Variants in KCNH2 observed in about 807,000 individuals in gnomAD.
The protein encoded by KCNH2 is potassium voltage-gated channel subfamily H member 2.
Under a neutral mutation model 95.9 loss-of-function variants are expected in KCNH2, and 35 were observed. The ratio of observed to expected loss-of-function variants is 0.37; its 90% CI spans 0.28 to 0.48. The LOEUF is 0.48. Ranked by LOEUF, KCNH2 falls within the 20% of genes least tolerant of loss-of-function variation. The probability of loss-of-function intolerance (pLI) is 0.99; values close to 1 mark genes in which losing one functional copy is unlikely to be tolerated. For missense variants in KCNH2, 1,274 were observed against 1,702.9 expected (o/e 0.75, Z 4.43); for synonymous variants, 786 against 754.7 (o/e 1.04, Z -0.68).
rs41313749 is a variant in KCNH2 at position 150,945,521 on chromosome 7, TAC to T, written c.3331-9_3331-8del. ...ACGCCATGAACTGGGAAACCTGCAA[TAC>T]ACACAGAGCATGGGCAGGCGAAGAG... On this transcript the variant is annotated splice_region_variant and splice_polypyrimidine_tract_variant and intron_variant, in intron 14 of 14. Coordinates refer to ENST00000262186, the MANE Select transcript of KCNH2 (RefSeq NM_000238.4). This position sits in a 1 kb window ranked among gnomAD's most constrained non-coding sequence, Gnocchi z 5.6. The T allele has an allele frequency of 2.9e-3, 4,473 of 1,557,036 alleles. 125 individuals are homozygous for T. The African/African-American group carries it at 0.054, about 19-fold the overall frequency.
At position 150,950,346 on chromosome 7, in the gene KCNH2, G is replaced by C. The variant is rs750522258; in HGVS notation, c.2220C>G (p.Cys740Trp). Residue 740 changes from cysteine (C) to tryptophan (W), a missense_variant, in exon 9 of 15, where the codon TGC becomes TGG. By Grantham distance (215) the Cys-to-Trp change is radical. Transcript: ENST00000262186. The part of the protein sequence containing the change: ...LHLNRSLLQH[C>W]KPFRGATKGC... ...CCTTGGTGGCCCCTCGGAAGGGTTT[G>C]CAGTGCTGCAGCAGTGAGCGGTTCA... 2.5e-6 allele frequency: 4 copies of C among 1,613,216 alleles called. No homozygotes were observed. The highest frequency in any genetic ancestry group is 3.4e-6 in the Non-Finnish European group (4 of 1,179,770).
In KCNH2 at chr7:150,961,733, C is replaced by T. The variant is rs138627651; in HGVS notation, c.308-1997G>A. Among the ~76,000 whole-genome samples the T allele has an allele frequency of 1.6e-3, 245 of 152,272 alleles. No homozygotes were observed. The highest frequency in any genetic ancestry group is 5.3e-3 in the African/African-American group (222 of 41,542). ...GCAACAGACACCGGCAACCTGGAGGCGACGCCACCCCTGGGACTTGGAGCT... is the reference window on the plus strand; with the variant it reads ...GCAACAGACACCGGCAACCTGGAGGTGACGCCACCCCTGGGACTTGGAGCT... On this transcript the variant is annotated intron_variant, in intron 2 of 14. Transcript: ENST00000262186. The surrounding 1 kb of genome is among the most constrained non-coding windows in gnomAD (Gnocchi z 6.2).
chr7:150,971,351 G>A (rs1801834104), intron 2 of KCNH2, among the ~76,000 whole-genome samples: 1 of 152,120 alleles, frequency 6.6e-6, no homozygotes, highest in Admixed American at 6.5e-5. Context: ...TGGACAGCAG[G>A]TCCCCACCCC....
intron 11 of KCNH2, 117 bp downstream of exon 11, chr7:150,948,327 G>C: frequency 1.2e-6 from 1 of 835,944 alleles, no homozygotes; most frequent in South Asian, 1.5e-5. Flanking sequence ...TGGGCACACT[G>C]GAGGAAGGGA....
intron 1 of KCNH2, among the ~76,000 whole-genome samples, chr7:150,977,095 C>T (rs1801997809): frequency 6.6e-6 from 1 of 152,094 alleles, no homozygotes; most frequent in African/African-American, 2.4e-5. Context: ...AGCCTCCCTA[C>T]CAGGCAGGCA....
In KCNH2 at chr7:150,948,462, G is replaced by A. The variant is rs201627778; in HGVS notation, c.2674C>T (p.Arg892Cys). 2.8e-4 allele frequency: 452 copies of A among 1,593,958 alleles called. 5 individuals are homozygous for A. The South Asian group carries it at 3.1e-3, about 11-fold the overall frequency. ...GCCTCACCCTTGTCCGTGCGCCTGC[G>A]GAAGGACAACTTGCGCTTGCGTTGC... ...SRQRKRKLSFRRRTDKDTEQP... is the reference protein window; with the variant it reads ...SRQRKRKLSFCRRTDKDTEQP... The change falls in exon 11 of 15, where the codon CGC becomes TGC. Residue 892 changes from arginine (R) to cysteine (C), a missense_variant. Around this residue, in one of 7 missense-constraint regions of KCNH2, gnomAD observed 457 missense variants for 416.1 expected, o/e 1.10. Transcript: ENST00000262186.
intron 9 of KCNH2, chr7:150,949,793 G>A: frequency 2.5e-6 from 3 of 1,215,678 alleles, no homozygotes; most frequent in South Asian, 1.6e-5. Flanking sequence ...AAGGGGCCAG[G>A]CATGAGGCTG....
chr7:150,946,044 G>A lies in KCNH2; in HGVS notation c.3331-530C>T, dbSNP rs1800875946. The stretch of plus-strand genomic sequence containing the variant: ...GTGAGAGCTCTGCGGGGGCGGCTGC[G>A]AAGGGAGACTGGCACATTTGCTGAC... On this transcript the variant is annotated intron_variant, in intron 14 of 14. Transcript: ENST00000262186. The surrounding 1 kb of genome is among the most constrained non-coding windows in gnomAD (Gnocchi z 6.5). Among the ~76,000 whole-genome samples, 2 of 152,116 alleles carry A rather than the reference G, an allele frequency of 1.3e-5. No individual in the cohort carries two copies. The highest frequency in any genetic ancestry group is 6.5e-5 in the Admixed American group (1 of 15,280).
intron 12 of KCNH2, 42 bp from the exon 13 acceptor site, chr7:150,947,556 C>T (rs1800951263): frequency 1.2e-6 from 2 of 1,603,330 alleles, no homozygotes; most frequent in Non-Finnish European, 8.5e-7. Flanking sequence ...GGTAGACGCA[C>T]CACCGCTGCC....
rs1172667546 is a variant in KCNH2, at chr7:150,961,575, C to T, written c.308-1839G>A. The stretch of plus-strand genomic sequence containing the variant: ...TCGGCCTCCCAAAGTGCAAGGATTA[C>T]AGGTGTGAGCCACCGCACCCAGCCT... On this transcript the variant is annotated intron_variant, in intron 2 of 14. Coordinates refer to ENST00000262186, the MANE Select transcript of KCNH2 (RefSeq NM_000238.4). This position sits in a 1 kb window ranked among gnomAD's most constrained non-coding sequence, Gnocchi z 6.2. Among the ~76,000 whole-genome samples the T allele has an allele frequency of 6.6e-6, 1 of 152,144 alleles. No homozygotes were observed. The highest frequency in any genetic ancestry group is 1.5e-5 in the Non-Finnish European group (1 of 68,012).
intron 1 of KCNH2, among the ~76,000 whole-genome samples, chr7:150,976,706 G>A (rs1801987177): frequency 6.6e-6 from 1 of 151,812 alleles, no homozygotes. Context: ...GCAGTCAGTG[G>A]CAAAGGTAGG....
Position 150,977,984 on chromosome 7 carries a change from G to A in KCNH2, c.-71C>T. The stretch of plus-strand genomic sequence containing the variant: ...CGGCCCGGCCCAGCACTAGGCTTCG[G>A]GTGGCCCGGCCGGGCCGTGGTCCCC... On this transcript the variant is annotated 5_prime_UTR_variant, in exon 1 of 15. Coordinates refer to ENST00000262186, the MANE Select transcript of KCNH2 (RefSeq NM_000238.4). 2.4e-6 allele frequency: 2 copies of A among 850,374 alleles called. No individual in the cohort carries two copies. Among genetic ancestry groups the A allele is most frequent in the Non-Finnish European group, 3.2e-6 (2 of 631,004 alleles). The allele number at this position is 850,374 out of a possible 1,614,324, so 52.7% of individuals were successfully genotyped here.
At chr7:150,957,192 T>G in intron 5 of KCNH2, 99 bp downstream of exon 5, 1 of 1,024,104 alleles carries the variant, frequency 9.8e-7, no homozygotes, top group Admixed American at 2.0e-5. Flanking sequence ...AGGCCCTCAC[T>G]GGCTAGCCCC....
chr7:150,975,196 AG>A (rs1801951246), intron 1 of KCNH2, among the ~76,000 whole-genome samples: 3 of 151,832 alleles, frequency 2.0e-5, no homozygotes, highest in Admixed American at 2.0e-4. Flanking sequence ...TCCCCCGGGC[AG>A]GCCGCCAGCA....
rs199473541 is a variant in KCNH2 at position 150,947,617 on chromosome 7, T to C, written c.2954A>G (p.Asn985Ser). Reference sequence around the variant, plus strand: ...GTCGCCCGGGATACCTGACAGGGGGTTGCAAGTGTCGCTGCTCTTCTCGCA... The same window carrying C: ...GTCGCCCGGGATACCTGACAGGGGGCTGCAAGTGTCGCTGCTCTTCTCGCA... The part of the protein sequence containing the change: ...EDCEKSSDTC[N>S]PLSGAFSGVS... The change falls in exon 12 of 15, where the codon AAC (asparagine) becomes AGC (serine). Residue 985 changes from asparagine to serine, a missense_variant. Coordinates refer to ENST00000262186, the MANE Select transcript of KCNH2 (RefSeq NM_000238.4). 3.7e-6 allele frequency: 6 copies of C among 1,612,336 alleles called. No individual in the cohort carries two copies. The highest frequency in any genetic ancestry group is 5.1e-6 in the Non-Finnish European group (6 of 1,179,504).
chr7:150,947,952 C>T, intron 11 of KCNH2, 74 bp from the exon 12 acceptor site: 1 of 1,467,836 alleles, frequency 6.8e-7, no homozygotes, highest in Admixed American at 2.3e-5. Flanking sequence ...GAGGAGGGGA[C>T]AGGAGCGAGC....
At chr7:150,975,658 A>G (rs1584884214) in intron 1 of KCNH2, among the ~76,000 whole-genome samples, 1 of 152,216 alleles carries the variant, frequency 6.6e-6, no homozygotes, top group Non-Finnish European at 1.5e-5. Flanking sequence ...ATAGATGAAG[A>G]AACCAAGGCT....
intron 2 of KCNH2, among the ~76,000 whole-genome samples, chr7:150,974,172 C>T (rs1801908904): frequency 2.6e-5 from 4 of 152,262 alleles, no homozygotes; most frequent in African/African-American, 9.6e-5. Context: ...GAGGCACGCA[C>T]CTCCCCCAGG....
intron 9 of KCNH2, chr7:150,949,751 G>A (rs1801062096): frequency 3.4e-6 from 4 of 1,189,044 alleles, no homozygotes; most frequent in South Asian, 3.2e-5. Context: ...AGTGGGGGGA[G>A]GGGGCAGGAC....
Sources: gnomAD v4.1 joint callset for allele counts (sites outside exome capture counted in the v4.1 genomes callset) on GRCh38, gnomAD v4.1.1 for gene constraint, gnomAD v4.1.1 regional missense constraint, Gnocchi (gnomAD v3.1) non-coding constraint, MANE v1.5 for transcripts, NCBI Gene and HGNC (gene_info 2026-07-23, HGNC 2026-07-21) for gene names.